Variants in PCDHGA7 observed in about 807,000 individuals in gnomAD.
PCDHGA7 encodes the protein protocadherin gamma-A7.
Under a neutral mutation model 58.3 loss-of-function variants are expected in PCDHGA7, and 44 were observed. The ratio of observed to expected loss-of-function variants is 0.75; its 90% CI spans 0.59 to 0.97. The LOEUF (loss-of-function observed/expected upper bound fraction) is 0.97. Among genes scored for constraint, PCDHGA7 ranks in the 50% least tolerant of loss-of-function variants. The probability of loss-of-function intolerance (pLI) is 0.00; values close to 1 mark genes in which losing one functional copy is unlikely to be tolerated. For synonymous variants in PCDHGA7, 516 were observed against 504.2 expected, an observed-to-expected ratio of 1.02 and a Z score of -0.31; for missense variants, 1,266 against 1,188.7, an observed-to-expected ratio of 1.06 and a Z score of -0.96.
intron 1 of PCDHGA7, chr5:141,388,988 A>G (rs756635794): frequency 6.2e-7 from 1 of 1,614,076 alleles, no homozygotes; most frequent in Non-Finnish European, 8.5e-7. Flanking sequence ...CTTTGCTCAA[A>G]GTCCGTGACA....
chr5:141,475,248 C>T (rs1400887912), intron 1 of PCDHGA7, among the ~76,000 whole-genome samples: 2 of 152,166 alleles, frequency 1.3e-5, no homozygotes, highest in African/African-American at 4.8e-5. Context: ...AGAGTGTGCT[C>T]TACAACTGAG....
intron 1 of PCDHGA7, chr5:141,390,892 G>A (rs1476434709): frequency 2.6e-5 from 4 of 152,470 alleles, no homozygotes; most frequent in East Asian, 3.8e-4. Context: ...GTGTGTGAGA[G>A]AGATCCTTTT....
chr5:141,435,593 G>T (rs183768133), intron 1 of PCDHGA7, among the ~76,000 whole-genome samples: 1 of 152,112 alleles, frequency 6.6e-6, no homozygotes, highest in East Asian at 1.9e-4. Flanking sequence ...CAGTAATATC[G>T]CCTGCTTTTT....
Position 141,490,810 on chromosome 5 carries a change from T to C in PCDHGA7, c.2425-3997T>C, listed in dbSNP as rs2099704652. On this transcript the variant is annotated intron_variant, in intron 1 of 3. Transcript: ENST00000518325. This position sits in a 1 kb window ranked among gnomAD's most constrained non-coding sequence, Gnocchi z 5.4. ...GATCTTTGCCCAGCGTACCTTTGAC[T>C]ATGAATTGCTGCAGATGCTGCAGAT... 1 of 1,613,936 alleles carries C rather than the reference T, an allele frequency of 6.2e-7. No individual in the cohort carries two copies. Among genetic ancestry groups the C allele is most frequent in the Non-Finnish European group, 8.5e-7 (1 of 1,179,884 alleles).
chr5:141,427,434 A>G (rs2097026509), intron 1 of PCDHGA7: 1 of 473,650 alleles, frequency 2.1e-6, no homozygotes, highest in African/African-American at 2.0e-5. Context: ...TACATGCCTC[A>G]TAAACGAAAG....
At chr5:141,460,883 C>T (rs371847673) in intron 1 of PCDHGA7, among the ~76,000 whole-genome samples, 2 of 149,996 alleles carry the variant, frequency 1.3e-5, no homozygotes, top group East Asian at 2.0e-4. Context: ...TATTTCATGC[C>T]TTTTCGTGGC....
Position 141,382,749 on chromosome 5 carries a change from G to C in PCDHGA7, c.-151G>C. The C allele has an allele frequency of 1.6e-6, 1 of 612,214 alleles. No homozygotes were observed. The highest frequency in any genetic ancestry group is 2.8e-6 in the Non-Finnish European group (1 of 363,426). The allele number at this position is 612,214 out of a possible 1,614,324, so 37.9% of individuals were successfully genotyped here. Reference sequence around the variant, plus strand: ...ACAGCACAGAGAAACGACAGATTGCGATAAGCCCTCTTCCAGGCTGCACTA... The same window carrying C: ...ACAGCACAGAGAAACGACAGATTGCCATAAGCCCTCTTCCAGGCTGCACTA... On this transcript the variant is annotated 5_prime_UTR_variant, in exon 1 of 4. Transcript: ENST00000518325.
chr5:141,489,312 G>A lies in PCDHGA7; in HGVS notation c.2425-5495G>A, dbSNP rs745541067. The A allele has an allele frequency of 2.5e-6, 4 of 1,594,972 alleles. No homozygotes were observed. The highest frequency in any genetic ancestry group is 2.6e-6 in the Non-Finnish European group (3 of 1,169,822). On this transcript the variant is annotated intron_variant, in intron 1 of 3. Transcript: ENST00000518325. This position sits in a 1 kb window ranked among gnomAD's most constrained non-coding sequence, Gnocchi z 4.5. ...TGTGCATGTTGTCCTTGTGCTGCTG[G>A]GGCTGGGTGTCTGGGCAGCTTCGTT...
chr5:141,449,932 A>T (rs1275797555), intron 1 of PCDHGA7, among the ~76,000 whole-genome samples: 6 of 151,660 alleles, frequency 4.0e-5, no homozygotes, highest in Non-Finnish European at 5.9e-5. Flanking sequence ...CATACCTTAT[A>T]GTATATTTTA....
chr5:141,426,722 T>G (rs1022367359), intron 1 of PCDHGA7: 1 of 447,734 alleles, frequency 2.2e-6, no homozygotes, highest in Non-Finnish European at 4.6e-6. Context: ...AACTAGCAAT[T>G]CCAGGCATTC....
At chr5:141,451,779 G>T (rs1284464259) in intron 1 of PCDHGA7, among the ~76,000 whole-genome samples, 1 of 152,070 alleles carries the variant, frequency 6.6e-6, no homozygotes, top group Non-Finnish European at 1.5e-5. Flanking sequence ...TACTCAGGAG[G>T]CTGAGGCCAG....
At chr5:141,394,751 C>A in intron 1 of PCDHGA7, 3 of 1,613,428 alleles carry the variant, frequency 1.9e-6, no homozygotes, top group Non-Finnish European at 2.5e-6. Context: ...TGGTGGCCGT[C>A]CAGGACCATG....
chr5:141,384,367 T>G lies in PCDHGA7; in HGVS notation c.1468T>G (p.Ser490Ala), dbSNP rs1780005491. The G allele has an allele frequency of 1.2e-6, 2 of 1,613,766 alleles. No individual in the cohort carries two copies. The highest frequency in any genetic ancestry group is 2.7e-5 in the African/African-American group (2 of 74,932). ...TGAGGATAATGCCCAGATCACTTAT[T>G]CCTTGGCCGAAGACACCATCCAGGG... ...DSEDNAQITY[S>A]LAEDTIQGAP... Residue 490 changes from serine (S) to alanine (A), a missense_variant, in exon 1 of 4, where the codon TCC becomes GCC. Transcript: ENST00000518325.
rs1427934561 is a variant in PCDHGA7, at chr5:141,511,140, CAAG to C, written c.2773_2775del (p.Lys925del). The stretch of plus-strand genomic sequence containing the variant: ...AGGCCCCAGCAGGTGGCAATGGCAA[CAAG>C]AAGAAGTCGGGCAAGAAGGAGAAGA... On this transcript the variant is annotated inframe_deletion, in exon 4 of 4. Coordinates refer to ENST00000518325, the MANE Select transcript of PCDHGA7 (RefSeq NM_018920.4). 9 of 1,614,186 alleles carry C rather than the reference CAAG, an allele frequency of 5.6e-6. No individual in the cohort carries two copies. The East Asian group carries it at 6.7e-5, about 12-fold the overall frequency.
At chr5:141,463,493 G>C (rs2099061978) in intron 1 of PCDHGA7, among the ~76,000 whole-genome samples, 1 of 128,844 alleles carries the variant, frequency 7.8e-6, no homozygotes, top group Admixed American at 9.6e-5. Flanking sequence ...CTGTCACCCA[G>C]GCTGGAGTGA....
Position 141,511,225 on chromosome 5 carries a change from C to T in PCDHGA7, c.*52C>T, listed in dbSNP as rs2099883678. On this transcript the variant is annotated 3_prime_UTR_variant, in exon 4 of 4. Transcript: ENST00000518325. Reference sequence around the variant, plus strand: ...GGCGGCCTCTCCCCAACCAGCCCAGCTTCTCCTTACCTGCACCCAGGCCTC... The same window carrying T: ...GGCGGCCTCTCCCCAACCAGCCCAGTTTCTCCTTACCTGCACCCAGGCCTC... 1.9e-6 allele frequency: 3 copies of T among 1,601,506 alleles called. No individual in the cohort carries two copies. Among genetic ancestry groups the T allele is most frequent in the Non-Finnish European group, 2.6e-6 (3 of 1,174,170 alleles).
At chr5:141,404,888 G>A (rs778498828) in intron 1 of PCDHGA7, 9 of 1,613,762 alleles carry the variant, frequency 5.6e-6, no homozygotes, top group East Asian at 2.2e-5. Context: ...TGTGGTGGCT[G>A]TACAGGACCA....
chr5:141,423,149 A>G (rs763488632), intron 1 of PCDHGA7: 2 of 1,613,554 alleles, frequency 1.2e-6, no homozygotes, highest in Non-Finnish European at 8.5e-7. Context: ...GCGCTCAAGC[A>G]GAGCCTCGTG....
intron 1 of PCDHGA7, among the ~76,000 whole-genome samples, chr5:141,484,045 G>A (rs934525987): frequency 7.9e-5 from 12 of 152,026 alleles, no homozygotes; most frequent in African/African-American, 2.9e-4. Context: ...AGCTCCAAGA[G>A]GTCCCCTGGG....
Sources: allele counts gnomAD v4.1 joint callset (sites outside exome capture counted in the v4.1 genomes callset), GRCh38; gene constraint gnomAD v4.1.1; non-coding constraint Gnocchi (gnomAD v3.1); transcripts MANE v1.5; gene names NCBI Gene and HGNC (gene_info 2026-07-23, HGNC 2026-07-21).